The following SMTNL2 variants were observed in gnomAD, a reference collection of about 807,000 sequenced individuals.
SMTNL2 encodes the protein smoothelin-like protein 2.
Under a neutral mutation model 44.1 loss-of-function variants are expected in SMTNL2, and 43 were observed. That is an observed-to-expected ratio of 0.98 (90% CI 0.76 to 1.26). The LOEUF (loss-of-function observed/expected upper bound fraction) is 1.26. SMTNL2 is among the 50% of genes most tolerant of loss of function. The pLI is 0.00. For synonymous variants in SMTNL2, 317 were observed against 287.6 expected, an observed-to-expected ratio of 1.10 and a Z score of -1.03; for missense variants, 646 against 670.2, an observed-to-expected ratio of 0.96 and a Z score of 0.40.
At chr17:4,584,432 G>T (rs1188266736), upstream of SMTNL2, 9 of 595,874 alleles carry the variant, frequency 1.5e-5, no homozygotes, top group Non-Finnish European at 2.2e-5. Context: ...TCCAGGGCAG[G>T]GGGGTGTCCC....
At chr17:4,585,568 G>A (rs577092703) in intron 1 of SMTNL2, among the ~76,000 whole-genome samples, 2 of 152,320 alleles carry the variant, frequency 1.3e-5, no homozygotes, top group African/African-American at 4.8e-5. Flanking sequence ...ACCGTGAAGG[G>A]AGAGAGGTGG....
upstream of SMTNL2, chr17:4,584,520 C>T (rs1179230105): frequency 8.3e-7 from 1 of 1,203,228 alleles, no homozygotes; most frequent in East Asian, 3.4e-5. Flanking sequence ...AAGCCAGCCA[C>T]GGACGGCCAG....
chr17:4,589,118 C>T (rs79094365), intron 1 of SMTNL2, among the ~76,000 whole-genome samples: 2,550 of 152,272 alleles, frequency 0.017, 77 homozygotes, highest in African/African-American at 0.059. Flanking sequence ...CCGGAGAACC[C>T]TTAGCAGTGA....
Position 4,592,492 on chromosome 17 carries a change from G to A in SMTNL2, c.487+44G>A. On this transcript the variant is annotated intron_variant, in intron 2 of 7. Transcript: ENST00000389313. This position sits in a 1 kb window ranked among gnomAD's most constrained non-coding sequence, Gnocchi z 4.5. ...GAGGGGTGGCTGGGTAGGTTTGGGG[G>A]TTAAGTAAGGCCTTGGTCAGGTATC... The A allele has an allele frequency of 6.4e-7, 1 of 1,568,110 alleles. No individual in the cohort carries two copies. Among genetic ancestry groups the A allele is most frequent in the South Asian group, 1.2e-5 (1 of 86,198 alleles).
chr17:4,594,972 A>G (rs1909745731), intron 4 of SMTNL2, 173 bp from the exon 5 acceptor site: 1 of 837,078 alleles, frequency 1.2e-6, no homozygotes, highest in African/African-American at 1.7e-5. Context: ...CAGCCAGCAC[A>G]ATTCAGAAAA....
intron 7 of SMTNL2, among the ~76,000 whole-genome samples, chr17:4,605,571 G>A (rs1450839418): frequency 6.6e-6 from 1 of 152,124 alleles, no homozygotes; most frequent in Non-Finnish European, 1.5e-5. Flanking sequence ...ATTCACAGAT[G>A]GAGAAACTGA....
In SMTNL2 at chr17:4,595,065, A is replaced by C; in HGVS notation, c.807-80A>C. 6.3e-7 allele frequency: 1 copy of C among 1,588,106 alleles called. No homozygotes were observed. Among genetic ancestry groups the C allele is most frequent in the Non-Finnish European group, 8.6e-7 (1 of 1,159,922 alleles). On this transcript the variant is annotated intron_variant, in intron 4 of 7. Transcript: ENST00000389313. This position sits in a 1 kb window ranked among gnomAD's most constrained non-coding sequence, Gnocchi z 5.1. ...GGTGCAGGCTGCCTTGTCCACACTC[A>C]GTGCAATGGAGACCTTGGGGCCTGG...
At chr17:4,601,960 T>C (rs1910054469) in intron 7 of SMTNL2, among the ~76,000 whole-genome samples, 2 of 152,124 alleles carry the variant, frequency 1.3e-5, no homozygotes, top group Non-Finnish European at 2.9e-5. Flanking sequence ...CATCACTTTC[T>C]TTTTCTGCTG....
chr17:4,590,179 C>G (rs1909515990), intron 1 of SMTNL2, among the ~76,000 whole-genome samples: 1 of 151,960 alleles, frequency 6.6e-6, no homozygotes. Flanking sequence ...GTTGGCCAGG[C>G]TGGTCTTGAA....
chr17:4,593,213 G>A, intron 3 of SMTNL2, 42 bp downstream of exon 3: 3 of 1,533,208 alleles, frequency 2.0e-6, no homozygotes, highest in Non-Finnish European at 2.6e-6. Flanking sequence ...ACCTCCCCTT[G>A]GGATGGGAGA....
rs1011334357 is a variant in SMTNL2 at position 4,596,764 on chromosome 17, C to T, written c.990-96C>T. 26 of 1,146,730 alleles carry T rather than the reference C, an allele frequency of 2.3e-5. No homozygotes were observed. The African/African-American group carries it at 3.8e-4, about 17-fold the overall frequency. The allele number at this position is 1,146,730 out of a possible 1,614,324, so 71.0% of individuals were successfully genotyped here. Reference sequence around the variant, plus strand: ...TGAGCAGAGCAGGTGGGAGCACCCTCCTTGGTGGTGCCAGGACAGCCTCCC... The same window carrying T: ...TGAGCAGAGCAGGTGGGAGCACCCTTCTTGGTGGTGCCAGGACAGCCTCCC... On this transcript the variant is annotated intron_variant, in intron 5 of 7. Coordinates refer to ENST00000389313, the MANE Select transcript of SMTNL2 (RefSeq NM_001114974.2).
chr17:4,598,961 A>G lies in SMTNL2; in HGVS notation c.1259+1638A>G, dbSNP rs1909924845. On this transcript the variant is annotated intron_variant, in intron 7 of 7. Coordinates refer to ENST00000389313, the MANE Select transcript of SMTNL2 (RefSeq NM_001114974.2). The surrounding 1 kb of genome is among the most constrained non-coding windows in gnomAD (Gnocchi z 4.8). ...CCGGCCCCAGCCCCGGCCCTGGCCC[A>G]CCACCCCGGCCCCTGAGCCTGGCCA... Among the ~76,000 whole-genome samples the G allele has an allele frequency of 6.6e-6, 1 of 151,254 alleles. No homozygotes were observed. The highest frequency in any genetic ancestry group is 1.5e-5 in the Non-Finnish European group (1 of 67,784).
At chr17:4,601,708 C>A in intron 7 of SMTNL2, among the ~76,000 whole-genome samples, 1 of 150,640 alleles carries the variant, frequency 6.6e-6, no homozygotes. Flanking sequence ...TTTTTAGAGA[C>A]GGGGTCTAAC....
chr17:4,605,135 C>A (rs1910215147), intron 7 of SMTNL2, among the ~76,000 whole-genome samples: 1 of 146,266 alleles, frequency 6.8e-6, no homozygotes, highest in South Asian at 2.2e-4. Context: ...CAAGAATAAT[C>A]TCTGACTTTT....
At chr17:4,594,247 G>A (rs1348816203) in intron 4 of SMTNL2, among the ~76,000 whole-genome samples, 1 of 152,106 alleles carries the variant, frequency 6.6e-6, no homozygotes, top group Admixed American at 6.6e-5. Flanking sequence ...TCAAGAGTTC[G>A]AGACCAGACT....
intron 4 of SMTNL2, among the ~76,000 whole-genome samples, chr17:4,594,677 T>G (rs1398391386): frequency 7.4e-5 from 11 of 149,170 alleles, no homozygotes; most frequent in African/African-American, 2.7e-4. Flanking sequence ...AGCGGGACTG[T>G]GATTGGGGAT....
intron 7 of SMTNL2, among the ~76,000 whole-genome samples, chr17:4,597,753 TA>T (rs1909876682): frequency 6.6e-6 from 1 of 152,200 alleles, no homozygotes; most frequent in Non-Finnish European, 1.5e-5. Flanking sequence ...CTGGGCCACT[TA>T]AAAGGAGATT....
intron 1 of SMTNL2, among the ~76,000 whole-genome samples, chr17:4,591,170 C>G (rs923927013): frequency 1.3e-5 from 2 of 152,238 alleles, no homozygotes; most frequent in Admixed American, 1.3e-4. Flanking sequence ...ACCAGCCTGG[C>G]TCCCCTCCCA....
Position 4,595,382 on chromosome 17 carries a change from C to G in SMTNL2, c.989+55C>G. The G allele has an allele frequency of 6.3e-7, 1 of 1,584,834 alleles. No homozygotes were observed. Among genetic ancestry groups the G allele is most frequent in the Non-Finnish European group, 8.6e-7 (1 of 1,164,064 alleles). ...GCCCCACGGTGTGCCCAGACCCAGA[C>G]GGGGCTTGGGTGGGTGCAGCAGGGC... On this transcript the variant is annotated intron_variant, in intron 5 of 7. Transcript: ENST00000389313. The surrounding 1 kb of genome is among the most constrained non-coding windows in gnomAD (Gnocchi z 5.1).
Sources: gnomAD v4.1 joint callset for allele counts (sites outside exome capture counted in the v4.1 genomes callset) on GRCh38, gnomAD v4.1.1 for gene constraint, Gnocchi (gnomAD v3.1) non-coding constraint, MANE v1.5 for transcripts, NCBI Gene and HGNC (gene_info 2026-07-23, HGNC 2026-07-21) for gene names.